C8orf34: variants seen among roughly 807,000 people sequenced by gnomAD.
C8orf34 encodes the protein uncharacterized protein C8orf34.
In C8orf34, 65 loss-of-function variants were observed where a neutral mutation model predicts 68.3. That is an observed-to-expected ratio of 0.95 (90% confidence interval 0.78 to 1.17). C8orf34 has a LOEUF of 1.17. C8orf34 is among the 50% of genes most tolerant of loss of function. The pLI is 0.00. For missense variants in C8orf34, 664 were observed against 655.4 expected (o/e 1.01, Z -0.14); for synonymous variants, 244 against 241.2 (o/e 1.01, Z -0.11).
Position 68,461,232 on chromosome 8 carries a change from A to G in C8orf34, c.608-7460A>G, listed in dbSNP as rs145169269. 2.2e-3 allele frequency among the ~76,000 whole-genome samples: 328 copies of G among 152,288 alleles called. 1 individual carries two copies. The highest frequency in any genetic ancestry group is 7.1e-3 in the African/African-American group (294 of 41,558). ...TGAATGAAATGAAGTGAGAAGGGAAATTTAGAGAAAAACGAATAAAAAGAA... is the reference window on the plus strand; with the variant it reads ...TGAATGAAATGAAGTGAGAAGGGAAGTTTAGAGAAAAACGAATAAAAAGAA... On this transcript the variant is annotated intron_variant, in intron 3 of 13. Coordinates refer to ENST00000518698, the MANE Select transcript of C8orf34 (RefSeq NM_052958.4).
chr8:68,733,144 T>C (rs1822031701), intron 10 of C8orf34, among the ~76,000 whole-genome samples: 1 of 152,238 alleles, frequency 6.6e-6, no homozygotes, highest in Admixed American at 6.5e-5. Context: ...ACTTTTTCTT[T>C]TCATCTTAAT....
At chr8:68,774,828 C>T (rs751839867) in intron 10 of C8orf34, among the ~76,000 whole-genome samples, 60 of 150,936 alleles carry the variant, frequency 4.0e-4, no homozygotes, top group Non-Finnish European at 5.5e-4. Flanking sequence ...CACCCTGGGC[C>T]GGGTGTGGTG....
chr8:68,333,244 C>G (rs1805707409), intron 1 of C8orf34, among the ~76,000 whole-genome samples: 1 of 152,124 alleles, frequency 6.6e-6, no homozygotes, highest in Non-Finnish European at 1.5e-5. Flanking sequence ...GCAAGTTATG[C>G]GCTGAAGAAT....
In C8orf34 at chr8:68,687,039, C is replaced by T. The variant is rs570860504; in HGVS notation, c.1242-21955C>T. On this transcript the variant is annotated intron_variant, in intron 8 of 13. Coordinates refer to ENST00000518698, the MANE Select transcript of C8orf34 (RefSeq NM_052958.4). The stretch of plus-strand genomic sequence containing the variant: ...AACAGCTTCAAGAAAAATAAAATAC[C>T]TAGGAATATACTTAACCAAGGAGGT... 2.0e-5 allele frequency among the ~76,000 whole-genome samples: 3 copies of T among 152,024 alleles called. No homozygotes were observed. The East Asian group carries it at 5.8e-4, about 30-fold the overall frequency.
intron 7 of C8orf34, among the ~76,000 whole-genome samples, chr8:68,574,323 A>G (rs147933993): frequency 2.8e-3 from 423 of 152,196 alleles, no homozygotes; most frequent in African/African-American, 9.6e-3. Flanking sequence ...CTTATTGTCT[A>G]TCTCATGACT....
At position 68,446,626 on chromosome 8, in the gene C8orf34, A is replaced by G; in HGVS notation, c.607+166A>G. 4.6e-6 allele frequency: 3 copies of G among 651,668 alleles called. No individual in the cohort carries two copies. In the South Asian group the frequency reaches 6.8e-5, roughly 15 times the overall value. 40.4% of individuals were successfully genotyped at this position (651,668 alleles called of 1,614,324 possible). ...CGCATTTACATTGATCTTCATTCAT[A>G]CGTATGTATTTGCTTGCTTATATTC... On this transcript the variant is annotated intron_variant, in intron 3 of 13. Transcript: ENST00000518698.
chr8:68,407,111 AT>A (rs1206953208), intron 1 of C8orf34, among the ~76,000 whole-genome samples: 3 of 152,160 alleles, frequency 2.0e-5, no homozygotes, highest in African/African-American at 7.2e-5. Context: ...TTATTAAAGT[AT>A]TATCACTTGA....
At chr8:68,689,419 GA>G (rs1390790494) in intron 8 of C8orf34, among the ~76,000 whole-genome samples, 10 of 151,980 alleles carry the variant, frequency 6.6e-5, no homozygotes, top group Admixed American at 3.9e-4. Context: ...TAAAAAAATT[GA>G]AAAATAACGC....
intron 9 of C8orf34, among the ~76,000 whole-genome samples, chr8:68,712,259 T>C (rs1336956665): frequency 6.6e-6 from 1 of 152,104 alleles, no homozygotes; most frequent in Non-Finnish European, 1.5e-5. Context: ...TCACAGGACC[T>C]GTATAACAAT....
chr8:68,557,571 A>G (rs955203383), intron 7 of C8orf34, among the ~76,000 whole-genome samples: 1 of 152,180 alleles, frequency 6.6e-6, no homozygotes, highest in African/African-American at 2.4e-5. Flanking sequence ...GCAGGTAAGT[A>G]GCAAAACCTC....
At chr8:68,672,772 G>A (rs972993537) in intron 8 of C8orf34, among the ~76,000 whole-genome samples, 1 of 152,186 alleles carries the variant, frequency 6.6e-6, no homozygotes, top group Non-Finnish European at 1.5e-5. Context: ...ATGCAATCTA[G>A]TGAGACACCA....
intron 1 of C8orf34, among the ~76,000 whole-genome samples, chr8:68,403,007 C>T (rs1398241110): frequency 6.6e-6 from 1 of 152,222 alleles, no homozygotes; most frequent in African/African-American, 2.4e-5. Context: ...GGCAGGGAAA[C>T]TCCTTGTTGA....
At chr8:68,335,547 C>T (rs1354798113) in intron 1 of C8orf34, among the ~76,000 whole-genome samples, 1 of 152,062 alleles carries the variant, frequency 6.6e-6, no homozygotes, top group East Asian at 1.9e-4. Flanking sequence ...TGCCTAGAGT[C>T]CAAGTTAAGT....
intron 1 of C8orf34, among the ~76,000 whole-genome samples, chr8:68,333,918 T>C (rs926032354): frequency 2.6e-5 from 4 of 152,156 alleles, no homozygotes; most frequent in African/African-American, 9.7e-5. Context: ...TGATAATATG[T>C]CCCCCTTGTG....
intron 10 of C8orf34, among the ~76,000 whole-genome samples, chr8:68,771,735 C>G (rs1173822185): frequency 6.6e-6 from 1 of 152,082 alleles, no homozygotes; most frequent in Non-Finnish European, 1.5e-5. Flanking sequence ...TATGCAGAGG[C>G]TACAACAGTT....
At chr8:68,427,426 T>C (rs754440110) in intron 1 of C8orf34, among the ~76,000 whole-genome samples, 15 of 152,172 alleles carry the variant, frequency 9.9e-5, no homozygotes, top group Middle Eastern at 3.2e-3. Context: ...TTATTCTTAA[T>C]ATTAAAAGCA....
At chr8:68,792,029 T>C (rs1192372912) in intron 12 of C8orf34, 1 of 152,188 alleles carries the variant, frequency 6.6e-6, no homozygotes, top group Non-Finnish European at 1.5e-5. Flanking sequence ...ATAATAACAA[T>C]TGGCCAGCTT....
chr8:68,362,433 G>A (rs1001406872), intron 1 of C8orf34, among the ~76,000 whole-genome samples: 3 of 152,204 alleles, frequency 2.0e-5, no homozygotes, highest in African/African-American at 4.8e-5. Context: ...CAAGATGGCC[G>A]AATAGGAACA....
intron 1 of C8orf34, among the ~76,000 whole-genome samples, chr8:68,376,609 CCTT>C (rs1807812301): frequency 6.6e-6 from 1 of 151,026 alleles, no homozygotes; most frequent in Admixed American, 6.6e-5. Context: ...GCATCTTTCT[CCTT>C]TTTTTTTTTT....
Sources: allele counts gnomAD v4.1 joint callset (sites outside exome capture counted in the v4.1 genomes callset), GRCh38; gene constraint gnomAD v4.1.1; transcripts MANE v1.5; gene names NCBI Gene and HGNC (gene_info 2026-07-23, HGNC 2026-07-21).